The following NLGN4Y variants were observed in gnomAD, a reference collection of about 807,000 sequenced individuals.
The protein encoded by NLGN4Y is neuroligin 4 Y-linked.
A neutral mutation model predicts 8.4 loss-of-function variants in NLGN4Y; 4 were observed. The ratio of observed to expected loss-of-function variants is 0.48; its 90% CI spans 0.23 to 1.09. The LOEUF is 1.09. Among genes scored for constraint, NLGN4Y ranks in the 50% least tolerant of loss-of-function variants. NLGN4Y has a pLI of 0.19. For missense variants in NLGN4Y, 90 were observed against 192.3 expected (o/e 0.47, Z 3.15); for synonymous variants, 35 against 75.6 (o/e 0.46, Z 2.78).
intron 2 of NLGN4Y, among the ~76,000 whole-genome samples, chrY:14,693,843 T>G: frequency 3.1e-5 from 1 of 31,944 alleles, no homozygotes; most frequent in Non-Finnish European, 7.6e-5. Context: ...GTAAATACGA[T>G]GAAACTTAAA....
At chrY:14,523,210 A>C (rs1049734981), upstream of NLGN4Y, among the ~76,000 whole-genome samples, 1 of 32,080 alleles carries the variant, frequency 3.1e-5, no homozygotes, top group Non-Finnish European at 7.5e-5. Flanking sequence ...TTTTACATGC[A>C]ATCTCTCCAC....
intron 4 of NLGN4Y, among the ~76,000 whole-genome samples, chrY:14,761,291 C>G: frequency 2.9e-5 from 1 of 34,232 alleles, no homozygotes; most frequent in Non-Finnish European, 7.3e-5. Flanking sequence ...AATTTTCAAA[C>G]TTGCACCCTA....
intron 2 of NLGN4Y, among the ~76,000 whole-genome samples, chrY:14,646,431 A>G: frequency 2.9e-5 from 1 of 33,916 alleles, no homozygotes; most frequent in East Asian, 7.9e-4. Context: ...GCAAGGATGA[A>G]TAAAGAAGGG....
intron 1 of NLGN4Y, among the ~76,000 whole-genome samples, chrY:14,587,668 G>A (rs999453133): frequency 9.0e-5 from 3 of 33,469 alleles, no homozygotes; most frequent in South Asian, 6.8e-4. Context: ...GGGCTTTGCC[G>A]TTAGATACTC....
chrY:14,715,870 A>G, intron 2 of NLGN4Y, among the ~76,000 whole-genome samples: 1 of 32,958 alleles, frequency 3.0e-5, no homozygotes, highest in Non-Finnish European at 7.4e-5. Flanking sequence ...ATGATATATA[A>G]TTAATTACAG....
intron 4 of NLGN4Y, among the ~76,000 whole-genome samples, chrY:14,785,851 G>C: frequency 9.4e-5 from 3 of 31,823 alleles, no homozygotes; most frequent in African/African-American, 3.7e-4. Context: ...ATATCGGAGA[G>C]AGTGTAAATT....
chrY:14,559,355 G>C, intron 1 of NLGN4Y, among the ~76,000 whole-genome samples: 2 of 33,262 alleles, frequency 6.0e-5, no homozygotes, highest in Admixed American at 5.5e-4. Flanking sequence ...ATTATCCCAG[G>C]TCTCTTTCTT....
intron 4 of NLGN4Y, among the ~76,000 whole-genome samples, chrY:14,749,248 T>C: frequency 6.0e-5 from 2 of 33,446 alleles, no homozygotes; most frequent in South Asian, 1.4e-3. Flanking sequence ...ACAGCTTGCA[T>C]GGTGCAAAGC....
At position 14,531,419 on chromosome Y, in the gene NLGN4Y, AAT is replaced by A. The variant is rs2080114624; in HGVS notation, c.-112+6718_-112+6719del. ...AAACTGTCATCTTCAATAGCTGTTT[AAT>A]ATATATTTATTTCTAGATAGTTGTA... On this transcript the variant is annotated intron_variant, in intron 1 of 6. Coordinates refer to ENST00000684976, the MANE Select transcript of NLGN4Y (RefSeq NM_001365588.1). Among the ~76,000 whole-genome samples, 3 of 32,317 alleles carry A rather than the reference AAT, an allele frequency of 9.3e-5. No individual in the cohort carries two copies. The East Asian group carries it at 2.4e-3, about 26-fold the overall frequency. The allele number at this position is 32,317 out of a possible 37,273, so 86.7% of individuals were successfully genotyped here. A position where few individuals can be genotyped will look rare whatever the true frequency, so the allele number is the denominator to read the frequency against.
intron 1 of NLGN4Y, among the ~76,000 whole-genome samples, chrY:14,604,270 G>A (rs769104623): frequency 3.0e-5 from 1 of 32,923 alleles, no homozygotes; most frequent in African/African-American, 1.2e-4. Context: ...CCAGTCTCCA[G>A]AACTGTGAGC....
At chrY:14,680,107 A>G in intron 2 of NLGN4Y, among the ~76,000 whole-genome samples, 2 of 33,362 alleles carry the variant, frequency 6.0e-5, no homozygotes, top group East Asian at 1.6e-3. Flanking sequence ...TTGGACAATA[A>G]GATCATTGTG....
At chrY:14,523,236 T>C, upstream of NLGN4Y, among the ~76,000 whole-genome samples, 1 of 32,405 alleles carries the variant, frequency 3.1e-5, no homozygotes, top group Admixed American at 2.9e-4. Context: ...CATTTGGTTT[T>C]ATTTTCACTT....
chrY:14,651,920 G>A, intron 2 of NLGN4Y, among the ~76,000 whole-genome samples: 3 of 32,880 alleles, frequency 9.1e-5, no homozygotes, highest in Non-Finnish European at 2.3e-4. Context: ...TAAGCAGTTG[G>A]CATTTCTACA....
chrY:14,627,640 G>A, intron 2 of NLGN4Y, among the ~76,000 whole-genome samples: 1 of 34,151 alleles, frequency 2.9e-5, no homozygotes, highest in Admixed American at 2.5e-4. Context: ...GCCCGCAAGC[G>A]CCGCGCACAG....
intron 1 of NLGN4Y, among the ~76,000 whole-genome samples, chrY:14,530,511 T>A (rs2080107352): frequency 3.1e-5 from 1 of 31,922 alleles, no homozygotes; most frequent in East Asian, 8.2e-4. Context: ...CTAAATTGAG[T>A]TCTGATTCCA....
intron 4 of NLGN4Y, among the ~76,000 whole-genome samples, chrY:14,766,560 T>A (rs550783768): frequency 1.5e-4 from 5 of 33,375 alleles, no homozygotes; most frequent in African/African-American, 5.8e-4. Flanking sequence ...AAAAACCATA[T>A]GACTATCCAC....
chrY:14,660,571 T>C, intron 2 of NLGN4Y, among the ~76,000 whole-genome samples: 1 of 30,006 alleles, frequency 3.3e-5, no homozygotes, highest in African/African-American at 1.3e-4. Flanking sequence ...TTTTTTTTTT[T>C]TCTTTTTGTA....
intron 1 of NLGN4Y, among the ~76,000 whole-genome samples, chrY:14,526,604 A>G (rs780289630): frequency 3.0e-4 from 10 of 33,409 alleles, no homozygotes; most frequent in Non-Finnish European, 6.6e-4. Context: ...GTGTAACACT[A>G]GAATGATAAT....
chrY:14,832,084 C>T, intron 6 of NLGN4Y, among the ~76,000 whole-genome samples: 1 of 34,446 alleles, frequency 2.9e-5, no homozygotes, highest in African/African-American at 1.1e-4. Flanking sequence ...TTTCTTTAAA[C>T]TGAATAGAAG....
Sources: gnomAD v4.1 joint callset for allele counts (sites outside exome capture counted in the v4.1 genomes callset) on GRCh38, gnomAD v4.1.1 for gene constraint, MANE v1.5 for transcripts, NCBI Gene and HGNC (gene_info 2026-07-23, HGNC 2026-07-21) for gene names.